The following INPP4B variants were observed in gnomAD, a reference collection of about 807,000 sequenced individuals.
INPP4B encodes the protein inositol polyphosphate-4-phosphatase type II B, also known as inositol polyphosphate 4-phosphatase type II.
Under a neutral mutation model 122.5 loss-of-function variants are expected in INPP4B, and 55 were observed. The ratio of observed to expected loss-of-function variants is 0.45; its 90% CI spans 0.36 to 0.56. INPP4B has a LOEUF of 0.56. INPP4B is among the 20% of genes least tolerant of loss of function. INPP4B has a pLI of 0.00. For synonymous variants in INPP4B, 403 were observed against 388.7 expected (o/e 1.04, Z -0.43); for missense variants, 1,000 against 1,097.7 (o/e 0.91, Z 1.26).
At chr4:142,777,994 T>C (rs1006873138) in intron 1 of INPP4B, among the ~76,000 whole-genome samples, 1 of 152,118 alleles carries the variant, frequency 6.6e-6, no homozygotes, top group Non-Finnish European at 1.5e-5. Flanking sequence ...CCCATCTAAG[T>C]TTGGGGCCCA....
At chr4:142,715,961 G>A (rs541696759) in intron 2 of INPP4B, among the ~76,000 whole-genome samples, 1 of 152,240 alleles carries the variant, frequency 6.6e-6, no homozygotes, top group East Asian at 1.9e-4. Flanking sequence ...CTTACAAATG[G>A]TTACTCCATT....
At chr4:142,360,253 AAGG>A (rs1341040588) in intron 7 of INPP4B, among the ~76,000 whole-genome samples, 1 of 151,990 alleles carries the variant, frequency 6.6e-6, no homozygotes, top group Non-Finnish European at 1.5e-5. Flanking sequence ...TGCTATCTAT[AAGG>A]GTAAATGAGT....
chr4:142,353,269 T>C (rs891321878), intron 7 of INPP4B, among the ~76,000 whole-genome samples: 1 of 152,008 alleles, frequency 6.6e-6, no homozygotes, highest in Non-Finnish European at 1.5e-5. Context: ...CAGAACCTTA[T>C]ATTGCAATGC....
At chr4:142,549,937 A>G (rs996067612) in intron 2 of INPP4B, among the ~76,000 whole-genome samples, 1 of 152,198 alleles carries the variant, frequency 6.6e-6, no homozygotes, top group Non-Finnish European at 1.5e-5. Flanking sequence ...ATAAATAGAT[A>G]AGGCAATAGC....
chr4:142,603,342 T>G (rs1003548146), intron 2 of INPP4B, among the ~76,000 whole-genome samples: 1 of 151,768 alleles, frequency 6.6e-6, no homozygotes, highest in Admixed American at 6.6e-5. Context: ...CATTTACCTA[T>G]GTAAGAAACC....
chr4:142,481,301 C>T (rs1191369311), intron 2 of INPP4B, among the ~76,000 whole-genome samples: 2 of 151,782 alleles, frequency 1.3e-5, no homozygotes, highest in Non-Finnish European at 2.9e-5. Flanking sequence ...AAAGACACAA[C>T]ATTTATTTAA....
At chr4:142,534,199 T>TTA (rs577015767) in intron 2 of INPP4B, among the ~76,000 whole-genome samples, 35 of 151,886 alleles carry the variant, frequency 2.3e-4, no homozygotes, top group East Asian at 1.9e-3. Context: ...CATCCTGAAT[T>TTA]TATATATATA....
intron 8 of INPP4B, 80 bp from the exon 9 acceptor site, chr4:142,305,617 G>C: frequency 6.7e-7 from 1 of 1,502,496 alleles, no homozygotes; most frequent in African/African-American, 1.4e-5. Context: ...AACAAAATGA[G>C]TCTTTAGAAG....
chr4:142,696,766 G>A (rs909300091), intron 2 of INPP4B, among the ~76,000 whole-genome samples: 6 of 152,204 alleles, frequency 3.9e-5, no homozygotes, highest in African/African-American at 1.4e-4. Flanking sequence ...GAGAGGCTCA[G>A]TAAGAGGGCA....
intron 2 of INPP4B, among the ~76,000 whole-genome samples, chr4:142,672,176 A>G (rs1757086343): frequency 6.6e-6 from 1 of 152,216 alleles, no homozygotes; most frequent in Non-Finnish European, 1.5e-5. Context: ...GCTATTGTGA[A>G]TAAAGATGCT....
At chr4:142,170,947 C>T (rs994946076) in intron 16 of INPP4B, among the ~76,000 whole-genome samples, 1 of 151,756 alleles carries the variant, frequency 6.6e-6, no homozygotes, top group African/African-American at 2.4e-5. Flanking sequence ...CCTTGGTTCT[C>T]AGTAGCAGTA....
At chr4:142,623,984 T>A (rs1474742634) in intron 2 of INPP4B, among the ~76,000 whole-genome samples, 2 of 152,088 alleles carry the variant, frequency 1.3e-5, no homozygotes, top group East Asian at 1.9e-4. Flanking sequence ...GACATTTGGG[T>A]TGGTTCCAAG....
At chr4:142,549,814 C>G (rs974515946) in intron 2 of INPP4B, among the ~76,000 whole-genome samples, 1 of 152,136 alleles carries the variant, frequency 6.6e-6, no homozygotes, top group East Asian at 1.9e-4. Context: ...GAAATCTTTG[C>G]TTATTTCCTG....
intron 2 of INPP4B, among the ~76,000 whole-genome samples, chr4:142,528,948 G>A (rs766012941): frequency 6.6e-6 from 1 of 152,064 alleles, no homozygotes; most frequent in Non-Finnish European, 1.5e-5. Context: ...ATATTTGAAT[G>A]AATATTAGAA....
Position 142,173,734 on chromosome 4 carries a change from T to C in INPP4B, c.1257A>G (p.Gln419=). ...KAKEVLSNIN[Q]LQPLIATHAD... The stretch of plus-strand genomic sequence containing the variant: ...CATGGGTTGCTATAAGAGGTTGTAG[T>C]TGATTGATGTTGCTGAGAACTTCCT... Residue 419 remains glutamine, a synonymous_variant, in exon 16 of 26, where the codon CAA becomes CAG. Coordinates refer to ENST00000262992, the MANE Select transcript of INPP4B (RefSeq NM_001101669.3). 2 of 1,613,368 alleles carry C rather than the reference T, an allele frequency of 1.2e-6. No individual in the cohort carries two copies. Among genetic ancestry groups the C allele is most frequent in the African/African-American group, 1.3e-5 (1 of 74,980 alleles).
In INPP4B at chr4:142,023,177, T is replaced by A. The variant is rs1560851433; in HGVS notation, c.*5605A>T. 1 of 152,114 alleles carries A rather than the reference T, an allele frequency of 6.6e-6. No homozygotes were observed. Among genetic ancestry groups the A allele is most frequent in the Non-Finnish European group, 1.5e-5 (1 of 68,012 alleles). The allele number at this position is 152,114 out of a possible 1,614,324, so 9.4% of individuals were successfully genotyped here. A position where few individuals can be genotyped will look rare whatever the true frequency, so the allele number is the denominator to read the frequency against. ...CAGAAACATAAAAAATAAAAATCAT[T>A]TATTTAAACAAAAATATACACACAG... On this transcript the variant is annotated 3_prime_UTR_variant, in exon 26 of 26. Coordinates refer to ENST00000262992, the MANE Select transcript of INPP4B (RefSeq NM_001101669.3).
At chr4:142,422,353 C>T (rs747478818) in intron 5 of INPP4B, among the ~76,000 whole-genome samples, 8 of 152,002 alleles carry the variant, frequency 5.3e-5, no homozygotes, top group Non-Finnish European at 1.0e-4. Context: ...AAATTCATGA[C>T]ATGCTGTTTG....
At chr4:142,818,509 G>A (rs935277512) in intron 1 of INPP4B, among the ~76,000 whole-genome samples, 3 of 152,012 alleles carry the variant, frequency 2.0e-5, no homozygotes, top group Non-Finnish European at 4.4e-5. Flanking sequence ...TACAATTTCT[G>A]TAGGAATCAA....
intron 3 of INPP4B, among the ~76,000 whole-genome samples, chr4:142,456,924 C>T (rs1445323980): frequency 6.6e-6 from 1 of 151,944 alleles, no homozygotes; most frequent in East Asian, 1.9e-4. Context: ...GAGAACTCAA[C>T]TACTTAATTT....
Sources: gnomAD v4.1 joint callset for allele counts (sites outside exome capture counted in the v4.1 genomes callset) on GRCh38, gnomAD v4.1.1 for gene constraint, MANE v1.5 for transcripts, NCBI Gene and HGNC (gene_info 2026-07-23, HGNC 2026-07-21) for gene names.